Variants in GRM5 observed in about 807,000 individuals in gnomAD.
The protein encoded by GRM5 is glutamate metabotropic receptor 5, also known as metabotropic glutamate receptor 5.
A neutral mutation model predicts 83.1 loss-of-function variants in GRM5; 19 were observed. The observed-to-expected ratio is 0.23, with a 90% CI of 0.16 to 0.34. The LOEUF (loss-of-function observed/expected upper bound fraction) is 0.34, where lower values mean the gene tolerates loss of function less well. GRM5 is among the 10% of genes least tolerant of loss of function. The pLI, the probability that GRM5 is intolerant of heterozygous loss-of-function variation, is 1.00. For synonymous variants in GRM5, 675 were observed against 633.6 expected (o/e 1.07, Z -0.98); for missense variants, 1,160 against 1,588.3 (o/e 0.73, Z 4.58).
intron 2 of GRM5, among the ~76,000 whole-genome samples, chr11:89,000,928 GA>G (rs1044133523): frequency 6.6e-6 from 1 of 151,124 alleles, no homozygotes; most frequent in Admixed American, 6.6e-5. Context: ...ATATACTGAT[GA>G]AAAAAAAGCA....
chr11:88,660,096 A>G (rs1939865746), intron 3 of GRM5, among the ~76,000 whole-genome samples: 1 of 152,174 alleles, frequency 6.6e-6, no homozygotes, highest in Admixed American at 6.5e-5. Context: ...CAAGGAGTCA[A>G]CAGTCCATTA....
intron 2 of GRM5, among the ~76,000 whole-genome samples, chr11:89,012,030 A>G (rs1331273332): frequency 6.6e-6 from 1 of 152,198 alleles, no homozygotes. Flanking sequence ...GCAATAATGC[A>G]TAGGCTAATG....
chr11:88,638,160 T>C (rs1374614019), intron 4 of GRM5, among the ~76,000 whole-genome samples: 1 of 69,776 alleles, frequency 1.4e-5, no homozygotes, highest in Non-Finnish European at 2.6e-5. Context: ...TGTGGTGGGG[T>C]GGGGGGAGGG....
intron 1 of GRM5, among the ~76,000 whole-genome samples, chr11:89,064,254 G>T (rs1942054714): frequency 1.3e-5 from 2 of 152,108 alleles, no homozygotes; most frequent in African/African-American, 4.8e-5. Context: ...AATAGCATAT[G>T]ACTTGTTCAC....
At chr11:89,020,771 A>G (rs1390580025) in intron 2 of GRM5, among the ~76,000 whole-genome samples, 1 of 152,228 alleles carries the variant, frequency 6.6e-6, no homozygotes, top group Non-Finnish European at 1.5e-5. Context: ...CATTTATGCA[A>G]TATATACTAT....
At position 88,508,737 on chromosome 11, in the gene GRM5, G is replaced by T; in HGVS notation, c.3494C>A (p.Pro1165Gln). Residue 1165 changes from proline (P) to glutamine (Q), a missense_variant, in exon 10 of 10, where the codon CCG becomes CAG. Pro to Gln is a moderately conservative substitution (Grantham distance 76). Around this residue, in one of 9 missense-constraint regions of GRM5, gnomAD observed 562 missense variants for 532.4 expected, o/e 1.06. Transcript: ENST00000305447. The surrounding 1 kb of genome is among the most constrained non-coding windows in gnomAD (Gnocchi z 4.2). ...CACCGAGTCTCTGAAGGGGGACGGCGGGGTGAGAGCCACCAGCTCCTCCAG... is the reference window on the plus strand; with the variant it reads ...CACCGAGTCTCTGAAGGGGGACGGCTGGGTGAGAGCCACCAGCTCCTCCAG... The part of the protein sequence containing the change: ...PDLEELVALT[P>Q]PSPFRDSVDS... 1 of 1,576,820 alleles carries T rather than the reference G, an allele frequency of 6.3e-7. No individual in the cohort carries two copies. Among genetic ancestry groups the T allele is most frequent in the Non-Finnish European group, 8.6e-7 (1 of 1,163,690 alleles).
intron 2 of GRM5, among the ~76,000 whole-genome samples, chr11:88,939,415 G>A (rs978481827): frequency 6.6e-6 from 1 of 151,772 alleles, no homozygotes; most frequent in African/African-American, 2.4e-5. Context: ...GGCTCCTGAA[G>A]ATAACAGTAG....
chr11:89,051,215 C>T (rs1419404745), intron 1 of GRM5, among the ~76,000 whole-genome samples: 2 of 151,616 alleles, frequency 1.3e-5, no homozygotes, highest in Non-Finnish European at 2.9e-5. Context: ...GAGATTGCGC[C>T]ACTGCACTCC....
intron 3 of GRM5, among the ~76,000 whole-genome samples, chr11:88,830,490 A>G (rs1295265232): frequency 6.6e-6 from 1 of 152,162 alleles, no homozygotes; most frequent in East Asian, 1.9e-4. Flanking sequence ...AATTCAACAG[A>G]GAAGTAACAG....
intron 2 of GRM5, among the ~76,000 whole-genome samples, chr11:88,978,514 A>C (rs1241267084): frequency 1.5e-5 from 2 of 130,918 alleles, no homozygotes; most frequent in African/African-American, 5.9e-5. Flanking sequence ...AAAAAAAAAA[A>C]AACCTCATAA....
chr11:88,883,722 GA>G (rs34229500), intron 2 of GRM5, among the ~76,000 whole-genome samples: 11 of 151,914 alleles, frequency 7.2e-5, no homozygotes, highest in African/African-American at 2.2e-4. Flanking sequence ...GGCTTAGGAG[GA>G]AAAAAATGGT....
At chr11:88,908,993 T>C (rs1945450214) in intron 2 of GRM5, among the ~76,000 whole-genome samples, 1 of 152,142 alleles carries the variant, frequency 6.6e-6, no homozygotes, top group South Asian at 2.1e-4. Context: ...TGGCAGCCTG[T>C]TAGTGGTAAG....
At chr11:88,689,049 T>C (rs1287102182) in intron 3 of GRM5, among the ~76,000 whole-genome samples, 1 of 152,094 alleles carries the variant, frequency 6.6e-6, no homozygotes, top group Admixed American at 6.6e-5. Context: ...CAGAATCTAG[T>C]ACAGTACCTG....
intron 3 of GRM5, among the ~76,000 whole-genome samples, chr11:88,735,890 T>A (rs1941903889): frequency 6.6e-6 from 1 of 152,012 alleles, no homozygotes; most frequent in Non-Finnish European, 1.5e-5. Flanking sequence ...GTGTAATTGA[T>A]AACCAAATTC....
At chr11:88,904,039 G>A (rs1945362951) in intron 2 of GRM5, among the ~76,000 whole-genome samples, 1 of 152,140 alleles carries the variant, frequency 6.6e-6, no homozygotes, top group Non-Finnish European at 1.5e-5. Flanking sequence ...TGAAATAAAT[G>A]ATTAAAGGGT....
intron 3 of GRM5, among the ~76,000 whole-genome samples, chr11:88,770,159 C>G (rs1243115267): frequency 1.3e-5 from 2 of 151,956 alleles, no homozygotes; most frequent in African/African-American, 4.8e-5. Flanking sequence ...CTCATCAAAA[C>G]TTTCAAAGTA....
At chr11:88,862,754 C>A (rs1434292383) in intron 2 of GRM5, among the ~76,000 whole-genome samples, 1 of 151,956 alleles carries the variant, frequency 6.6e-6, no homozygotes, top group African/African-American at 2.4e-5. Context: ...CAACTCATCA[C>A]CTAGGTATTA....
intron 2 of GRM5, among the ~76,000 whole-genome samples, chr11:88,936,009 T>A (rs138510903): frequency 0.018 from 2,740 of 151,976 alleles, 78 homozygotes; most frequent in African/African-American, 0.061. Flanking sequence ...CATATTATTC[T>A]ACAAAGTAAA....
rs1378439897 is a variant in GRM5 at position 88,996,100 on chromosome 11, A to G, written c.661+51112T>C. The stretch of plus-strand genomic sequence containing the variant: ...GAGATCTTACAGCTTCACGTTTTTT[A>G]GGACAGTTTTAATTATCACCCAACG... On this transcript the variant is annotated intron_variant, in intron 2 of 9. Transcript: ENST00000305447. Among the ~76,000 whole-genome samples, 5 of 152,346 alleles carry G rather than the reference A, an allele frequency of 3.3e-5. No individual in the cohort carries two copies. In the East Asian group the frequency reaches 7.7e-4, roughly 23 times the overall value.
Sources: allele counts gnomAD v4.1 joint callset (sites outside exome capture counted in the v4.1 genomes callset), GRCh38; gene constraint gnomAD v4.1.1; regional missense constraint gnomAD v4.1.1; non-coding constraint Gnocchi (gnomAD v3.1); transcripts MANE v1.5; gene names NCBI Gene and HGNC (gene_info 2026-07-23, HGNC 2026-07-21).